The following ZNF431 variants were observed in gnomAD, a reference collection of about 807,000 sequenced individuals.
ZNF431 encodes zinc finger protein 431.
Under a neutral mutation model 57.0 loss-of-function variants are expected in ZNF431, and 34 were observed. The ratio of observed to expected loss-of-function variants is 0.60; its 90% CI spans 0.45 to 0.79. The LOEUF (loss-of-function observed/expected upper bound fraction) is 0.79, where lower values mean the gene tolerates loss of function less well. ZNF431 is among the 30% of genes least tolerant of loss of function. ZNF431 has a pLI of 0.00. For synonymous variants in ZNF431, 207 were observed against 220.3 expected, an observed-to-expected ratio of 0.94 and a Z score of 0.54; for missense variants, 607 against 667.1, an observed-to-expected ratio of 0.91 and a Z score of 0.99.
Position 21,184,377 on chromosome 19 carries a change from C to G in ZNF431, c.*343C>G. ...AAAAATTTATACTGTACAAAAACCC[C>G]ACAAGTGTGAAAAACATGGCAAAGC... On this transcript the variant is annotated 3_prime_UTR_variant, in exon 5 of 5. Coordinates refer to ENST00000311048, the MANE Select transcript of ZNF431 (RefSeq NM_133473.4). 1 of 169,122 alleles carries G rather than the reference C, an allele frequency of 5.9e-6. No homozygotes were observed. The highest frequency in any genetic ancestry group is 1.3e-5 in the Non-Finnish European group (1 of 78,798). 10.5% of individuals were successfully genotyped at this position (169,122 alleles called of 1,614,324 possible). A position where few individuals can be genotyped will look rare whatever the true frequency, so the allele number is the denominator to read the frequency against.
intron 2 of ZNF431, among the ~76,000 whole-genome samples, chr19:21,160,374 G>A (rs1970538618): frequency 6.6e-6 from 1 of 152,190 alleles, no homozygotes; most frequent in Admixed American, 6.5e-5. Flanking sequence ...CATCTTAAGA[G>A]TGAGAGATCA....
rs1017114992 is a variant in ZNF431 at position 21,142,078 on chromosome 19, C to T, written c.-106C>T. On this transcript the variant is annotated 5_prime_UTR_variant, in exon 1 of 5. Transcript: ENST00000311048. ...GCCTGAGCTCCAGGTCTCCCCTTCG[C>T]TGCTCTGTGTCCTCTGCTCCTAGAG... 40 of 1,486,532 alleles carry T rather than the reference C, an allele frequency of 2.7e-5. No individual in the cohort carries two copies. The African/African-American group carries it at 3.9e-4, about 14-fold the overall frequency. The allele number at this position is 1,486,532 out of a possible 1,614,324, so 92.1% of individuals were successfully genotyped here.
At chr19:21,150,202 G>T (rs935264897) in intron 2 of ZNF431, 31 of 555,308 alleles carry the variant, frequency 5.6e-5, no homozygotes, top group Middle Eastern at 5.4e-4. Context: ...GGGTGAACTG[G>T]TTAATCACAG....
rs1971305677 is a variant in ZNF431 at position 21,184,294 on chromosome 19, G to A, written c.*260G>A. ...GAACCTGGGAGGTGGAAGTTGCAGT[G>A]AGCCAAGATTGTACCACTGCACTCC... is the stretch of plus-strand genomic sequence containing the variant. On this transcript the variant is annotated 3_prime_UTR_variant, in exon 5 of 5. Coordinates refer to ENST00000311048, the MANE Select transcript of ZNF431 (RefSeq NM_133473.4). 3.2e-6 allele frequency: 1 copy of A among 308,424 alleles called. No homozygotes were observed. Among genetic ancestry groups the A allele is most frequent in the East Asian group, 6.0e-5 (1 of 16,696 alleles). The allele number at this position is 308,424 out of a possible 1,614,324, so 19.1% of individuals were successfully genotyped here.
At chr19:21,154,678 C>T (rs942366271) in intron 2 of ZNF431, among the ~76,000 whole-genome samples, 3 of 151,922 alleles carry the variant, frequency 2.0e-5, no homozygotes, top group African/African-American at 7.2e-5. Flanking sequence ...CTCTCCAGCA[C>T]CTGTTGTTTC....
Position 21,194,215 on chromosome 19 carries a change from C to T in ZNF431, c.*10181C>T, listed in dbSNP as rs767261028. ...GAATAGCATTGCCTTACACCAATAA[C>T]ATTCAAGCTGAGAACAAAATCAAGA... On this transcript the variant is annotated 3_prime_UTR_variant, in exon 5 of 5. Transcript: ENST00000311048. The T allele has an allele frequency of 3.9e-5, 6 of 152,166 alleles. No individual in the cohort carries two copies. Among genetic ancestry groups the T allele is most frequent in the Non-Finnish European group, 1.5e-5 (1 of 68,030 alleles). The allele number at this position is 152,166 out of a possible 1,614,324, so 9.4% of individuals were successfully genotyped here.
At chr19:21,146,422 A>G (rs1459780128) in intron 2 of ZNF431, among the ~76,000 whole-genome samples, 1 of 151,798 alleles carries the variant, frequency 6.6e-6, no homozygotes, top group Non-Finnish European at 1.5e-5. Flanking sequence ...AAAAAAAAAA[A>G]AAAAAGAAGA....
intron 4 of ZNF431, among the ~76,000 whole-genome samples, chr19:21,171,697 A>AATATATAT (rs774316351): frequency 1.8e-4 from 10 of 55,976 alleles, no homozygotes; most frequent in African/African-American, 8.1e-4. Flanking sequence ...TCTAATGATG[A>AATATATAT]ATATATATAT....
Position 21,188,376 on chromosome 19 carries a change from T to C in ZNF431, c.*4342T>C, listed in dbSNP as rs1189185927. The C allele has an allele frequency of 1.3e-5, 2 of 152,016 alleles. No homozygotes were observed. The highest frequency in any genetic ancestry group is 2.4e-5 in the African/African-American group (1 of 41,410). 9.4% of individuals were successfully genotyped at this position (152,016 alleles called of 1,614,324 possible). On this transcript the variant is annotated 3_prime_UTR_variant, in exon 5 of 5. Coordinates refer to ENST00000311048, the MANE Select transcript of ZNF431 (RefSeq NM_133473.4). ...ATTCTTATACAAAGTGTGGCAAATA[T>C]AAAACTTGCTTGAAAATACAGAAAT... is the stretch of plus-strand genomic sequence containing the variant.
At position 21,183,045 on chromosome 19, in the gene ZNF431, A is replaced by G; in HGVS notation, c.742A>G (p.Thr248Ala). ...GKAFKWFSTL[T>A]RHKRIHTGEK... ...AGCTTTTAAATGGTTCTCAACCCTT[A>G]CTAGACACAAGAGAATTCATACTGG... Residue 248 changes from threonine (T) to alanine (A), a missense_variant, in exon 5 of 5, where the codon ACT becomes GCT. Coordinates refer to ENST00000311048, the MANE Select transcript of ZNF431 (RefSeq NM_133473.4). 6.2e-7 allele frequency: 1 copy of G among 1,614,128 alleles called. No individual in the cohort carries two copies. The highest frequency in any genetic ancestry group is 1.1e-5 in the South Asian group (1 of 91,084).
intron 2 of ZNF431, among the ~76,000 whole-genome samples, chr19:21,163,046 C>CATTTAGAAATAAA (rs2144982253): frequency 6.6e-6 from 1 of 152,206 alleles, no homozygotes; most frequent in Non-Finnish European, 1.5e-5. Context: ...ATGCTGAACC[C>CATTTAGAAATAAA]TTTATCTAAA....
intron 2 of ZNF431, among the ~76,000 whole-genome samples, chr19:21,162,327 C>A (rs1970597027): frequency 6.6e-6 from 1 of 152,110 alleles, no homozygotes; most frequent in African/African-American, 2.4e-5. Flanking sequence ...GCACCTGCCA[C>A]CATGCCCATC....
intron 2 of ZNF431, among the ~76,000 whole-genome samples, chr19:21,159,472 A>C (rs1970513509): frequency 6.6e-6 from 1 of 152,104 alleles, no homozygotes; most frequent in South Asian, 2.1e-4. Context: ...TCCCGAGCTC[A>C]AGTGATTCGC....
In ZNF431 at chr19:21,188,110, T is replaced by C. The variant is rs1243744726; in HGVS notation, c.*4076T>C. The C allele has an allele frequency of 6.6e-6, 1 of 151,974 alleles. No homozygotes were observed. The highest frequency in any genetic ancestry group is 1.5e-5 in the Non-Finnish European group (1 of 68,032). The allele number at this position is 151,974 out of a possible 1,614,324, so 9.4% of individuals were successfully genotyped here. On this transcript the variant is annotated 3_prime_UTR_variant, in exon 5 of 5. Coordinates refer to ENST00000311048, the MANE Select transcript of ZNF431 (RefSeq NM_133473.4). ...CCTGTGTCTACTAAAAATACAAATT[T>C]AGCCACGCGTGGTGACGCACGCCTG... is the stretch of plus-strand genomic sequence containing the variant.
At position 21,193,529 on chromosome 19, in the gene ZNF431, ATAAAT is replaced by A. The variant is rs1971548854; in HGVS notation, c.*9499_*9503del. The stretch of plus-strand genomic sequence containing the variant: ...GCAATGAGTGAAACTCCATCTCAAA[ATAAAT>A]TAATTAATAAAATAAAAACCTGTGT... On this transcript the variant is annotated 3_prime_UTR_variant, in exon 5 of 5. Coordinates refer to ENST00000311048, the MANE Select transcript of ZNF431 (RefSeq NM_133473.4). 6.6e-6 allele frequency: 1 copy of A among 152,224 alleles called. No individual in the cohort carries two copies. The highest frequency in any genetic ancestry group is 2.4e-5 in the African/African-American group (1 of 41,458). The allele number at this position is 152,224 out of a possible 1,614,324, so 9.4% of individuals were successfully genotyped here. A position where few individuals can be genotyped will look rare whatever the true frequency, so the allele number is the denominator to read the frequency against.
intron 2 of ZNF431, among the ~76,000 whole-genome samples, chr19:21,151,427 C>G (rs1046222412): frequency 6.6e-6 from 1 of 152,182 alleles, no homozygotes; most frequent in East Asian, 1.9e-4. Context: ...GCCAATATCT[C>G]TGGCTTTTGA....
intron 2 of ZNF431, among the ~76,000 whole-genome samples, chr19:21,150,707 G>C (rs1172016452): frequency 1.5e-4 from 23 of 152,154 alleles, no homozygotes; most frequent in Admixed American, 1.5e-3. Context: ...TCAAGATTAT[G>C]TTTCTCTGAT....
intron 2 of ZNF431, among the ~76,000 whole-genome samples, chr19:21,165,106 A>G (rs1040085779): frequency 5.7e-4 from 86 of 151,868 alleles, no homozygotes; most frequent in Admixed American, 4.0e-3. Flanking sequence ...AAAAAAAAAA[A>G]AAATGTTTTC....
intron 2 of ZNF431, chr19:21,149,519 A>G (rs1970205215): frequency 1.6e-5 from 3 of 186,192 alleles, no homozygotes; most frequent in Non-Finnish European, 3.4e-5. Flanking sequence ...CACACACAAC[A>G]CATGTAAATA....
Sources: allele counts gnomAD v4.1 joint callset (sites outside exome capture counted in the v4.1 genomes callset), GRCh38; gene constraint gnomAD v4.1.1; transcripts MANE v1.5; gene names NCBI Gene and HGNC (gene_info 2026-07-23, HGNC 2026-07-21).